Variants in TDRD5 observed in about 807,000 individuals in gnomAD.
TDRD5 encodes tudor domain-containing protein 5.
TDRD5 carries 41 observed loss-of-function variants against 120.6 expected under a neutral mutation model. The ratio of observed to expected loss-of-function variants is 0.34; its 90% CI spans 0.26 to 0.44. The LOEUF is 0.44. Among genes scored for constraint, TDRD5 ranks in the 20% least tolerant of loss-of-function variants. The pLI, the probability that TDRD5 is intolerant of heterozygous loss-of-function variation, is 1.00. For missense variants in TDRD5, 1,006 were observed against 1,221.2 expected, an observed-to-expected ratio of 0.82 and a Z score of 2.63; for synonymous variants, 430 against 433.7, an observed-to-expected ratio of 0.99 and a Z score of 0.11.
At chr1:179,645,562 G>A (rs1678312200) in intron 11 of TDRD5, among the ~76,000 whole-genome samples, 1 of 152,110 alleles carries the variant, frequency 6.6e-6, no homozygotes, top group South Asian at 2.1e-4. Flanking sequence ...TGTATATTCT[G>A]CAGTTCTTGT....
chr1:179,595,347 C>T (rs1371971076), intron 3 of TDRD5, among the ~76,000 whole-genome samples: 1 of 152,046 alleles, frequency 6.6e-6, no homozygotes, highest in African/African-American at 2.4e-5. Flanking sequence ...CATATTGAAT[C>T]CCACCTCTCT....
chr1:179,626,534 T>C (rs1677142590), intron 6 of TDRD5, among the ~76,000 whole-genome samples: 1 of 152,168 alleles, frequency 6.6e-6, no homozygotes, highest in South Asian at 2.1e-4. Context: ...GCGTGTAAAT[T>C]TTACCTAAAA....
At chr1:179,610,691 G>A (rs1297075951) in intron 4 of TDRD5, among the ~76,000 whole-genome samples, 1 of 151,908 alleles carries the variant, frequency 6.6e-6, no homozygotes, top group African/African-American at 2.4e-5. Context: ...TCCATTTTTG[G>A]TTACTGACAA....
At chr1:179,602,863 C>CT (rs1213808469) in intron 4 of TDRD5, among the ~76,000 whole-genome samples, 8 of 152,044 alleles carry the variant, frequency 5.3e-5, no homozygotes, top group African/African-American at 1.9e-4. Context: ...TATGCGGGCT[C>CT]TTTTTTGGTT....
chr1:179,671,609 T>A (rs4133203), intron 17 of TDRD5, among the ~76,000 whole-genome samples: 51,171 of 152,020 alleles, frequency 0.34, 8,839 homozygotes, highest in Admixed American at 0.42. Context: ...TTTACTTCAA[T>A]AGGTTTTTGG....
chr1:179,655,440 A>G (rs1366766615), intron 14 of TDRD5, among the ~76,000 whole-genome samples: 1 of 151,990 alleles, frequency 6.6e-6, no homozygotes, highest in Non-Finnish European at 1.5e-5. Flanking sequence ...TCATGTTAAT[A>G]TTTCTTTCCT....
chr1:179,596,669 G>T (rs902843613), intron 4 of TDRD5, among the ~76,000 whole-genome samples: 2 of 152,146 alleles, frequency 1.3e-5, no homozygotes, highest in South Asian at 2.1e-4. Flanking sequence ...TTCTTGTTTA[G>T]TGTTAGTCCA....
Position 179,669,255 on chromosome 1 carries a change from C to T in TDRD5, c.2711C>T (p.Thr904Ile), listed in dbSNP as rs1047005169. 4.3e-6 allele frequency: 7 copies of T among 1,614,162 alleles called. No homozygotes were observed. The highest frequency in any genetic ancestry group is 1.6e-4 in the Middle Eastern group (1 of 6,062). ...CTGCCCAAATTGGAAGAATTCTGTA[C>T]CTCTCTTACCCAGTCAGAGCAGTCA... is the stretch of plus-strand genomic sequence containing the variant. ...STLPKLEEFCTSLTQSEQSAD... is the reference protein window; with the variant it reads ...STLPKLEEFCISLTQSEQSAD... The change falls in exon 17 of 18, where the codon ACC becomes ATC. Residue 904 changes from threonine (T) to isoleucine (I), a missense_variant. Coordinates refer to ENST00000444136, the MANE Select transcript of TDRD5 (RefSeq NM_001199085.3).
chr1:179,650,229 C>G (rs557985007), intron 11 of TDRD5, among the ~76,000 whole-genome samples: 1 of 151,772 alleles, frequency 6.6e-6, no homozygotes, highest in Non-Finnish European at 1.5e-5. Flanking sequence ...GGTGAAACCC[C>G]GTCTCTACTA....
At chr1:179,631,267 C>G (rs1188383205) in intron 7 of TDRD5, among the ~76,000 whole-genome samples, 1 of 152,088 alleles carries the variant, frequency 6.6e-6, no homozygotes, top group East Asian at 1.9e-4. Flanking sequence ...TGGTGGGCGC[C>G]TGTAGTCCCA....
In TDRD5 at chr1:179,690,921, G is replaced by A. The variant is rs984019528; in HGVS notation, c.3086G>A (p.Ser1029Asn). 1.9e-6 allele frequency: 3 copies of A among 1,613,260 alleles called. No homozygotes were observed. Among genetic ancestry groups the A allele is most frequent in the African/African-American group, 2.7e-5 (2 of 74,898 alleles). ...TSRSLLHWYP[S>N]VKRMEA ...AGGAGCCTCCTACACTGGTACCCCA[G>A]TGTGAAAAGGATGGAAGCATGAGGG... The change falls in exon 18 of 18, where the codon AGT becomes AAT. Residue 1029 changes from serine (S) to asparagine (N), a missense_variant. This residue lies in a region of TDRD5 where 403 missense variants were observed against 448.1 expected (regional missense o/e 0.90). Coordinates refer to ENST00000444136, the MANE Select transcript of TDRD5 (RefSeq NM_001199085.3).
chr1:179,637,635 T>C (rs1424602248), intron 9 of TDRD5, among the ~76,000 whole-genome samples: 1 of 150,894 alleles, frequency 6.6e-6, no homozygotes, highest in African/African-American at 2.5e-5. Context: ...TAGTCCCAGC[T>C]CCCGAGGAGG....
At position 179,646,403 on chromosome 1, in the gene TDRD5, A is replaced by T. The variant is rs1678366044; in HGVS notation, c.1801-4464A>T. 2.0e-5 allele frequency among the ~76,000 whole-genome samples: 3 copies of T among 152,170 alleles called. No homozygotes were observed. In the South Asian group the frequency reaches 6.2e-4, roughly 31 times the overall value. On this transcript the variant is annotated intron_variant, in intron 11 of 17. Coordinates refer to ENST00000444136, the MANE Select transcript of TDRD5 (RefSeq NM_001199085.3). Reference sequence around the variant, plus strand: ...GAAAAGGCCTTTGACAAAATTCAACAACCTTCATGCTAAAAACTCTCAATA... The same window carrying T: ...GAAAAGGCCTTTGACAAAATTCAACTACCTTCATGCTAAAAACTCTCAATA...
intron 11 of TDRD5, among the ~76,000 whole-genome samples, chr1:179,645,570 T>C (rs934839429): frequency 1.3e-5 from 2 of 152,184 alleles, no homozygotes; most frequent in African/African-American, 4.8e-5. Context: ...CTGCAGTTCT[T>C]GTGTGTAATA....
intron 6 of TDRD5, among the ~76,000 whole-genome samples, chr1:179,626,736 G>A (rs1276968268): frequency 6.6e-6 from 1 of 151,848 alleles, no homozygotes; most frequent in Admixed American, 6.6e-5. Context: ...CTTTTTCTGT[G>A]TTTGAAATTT....
At chr1:179,649,921 TAAC>T (rs1678617965) in intron 11 of TDRD5, among the ~76,000 whole-genome samples, 1 of 152,190 alleles carries the variant, frequency 6.6e-6, no homozygotes, top group South Asian at 2.1e-4. Flanking sequence ...TAATTTAAAT[TAAC>T]AACTTGAGGA....
intron 11 of TDRD5, among the ~76,000 whole-genome samples, chr1:179,641,976 C>T (rs1339561183): frequency 6.6e-6 from 1 of 152,060 alleles, no homozygotes; most frequent in Non-Finnish European, 1.5e-5. Flanking sequence ...ACTATTTTGC[C>T]ATCAGGAAGC....
intron 6 of TDRD5, among the ~76,000 whole-genome samples, chr1:179,628,319 C>A: frequency 1.3e-5 from 1 of 76,296 alleles, no homozygotes; most frequent in South Asian, 4.8e-4. Context: ...CTTTTCTTTT[C>A]TTTTCTTTTT....
intron 6 of TDRD5, among the ~76,000 whole-genome samples, chr1:179,624,418 C>G (rs908555205): frequency 6.5e-4 from 99 of 152,190 alleles, no homozygotes; most frequent in African/African-American, 2.3e-3. Context: ...CATTGTATTG[C>G]AAGTTCTAAC....
Sources: allele counts gnomAD v4.1 joint callset (sites outside exome capture counted in the v4.1 genomes callset), GRCh38; gene constraint gnomAD v4.1.1; regional missense constraint gnomAD v4.1.1; transcripts MANE v1.5; gene names NCBI Gene and HGNC (gene_info 2026-07-23, HGNC 2026-07-21).